Variants in CAMK1D observed in about 807,000 individuals in gnomAD.
The protein encoded by CAMK1D is calcium/calmodulin-dependent protein kinase type 1D.
In CAMK1D, 9 loss-of-function variants were observed where a neutral mutation model predicts 47.7. The ratio of observed to expected loss-of-function variants is 0.19; its 90% CI spans 0.11 to 0.33. CAMK1D has a LOEUF of 0.33. Ranked by LOEUF, CAMK1D falls within the 10% of genes least tolerant of loss-of-function variation. CAMK1D has a pLI of 1.00. For synonymous variants in CAMK1D, 184 were observed against 184.9 expected, an observed-to-expected ratio of 0.99 and a Z score of 0.04; for missense variants, 291 against 488.7, an observed-to-expected ratio of 0.60 and a Z score of 3.81.
chr10:12,513,108 G>T (rs757292669), intron 1 of CAMK1D, among the ~76,000 whole-genome samples: 1 of 152,162 alleles, frequency 6.6e-6, no homozygotes, highest in African/African-American at 2.4e-5. Flanking sequence ...TGAATCAAGT[G>T]TTTCTGGCTG....
At chr10:12,591,490 T>C (rs1247301583) in intron 2 of CAMK1D, among the ~76,000 whole-genome samples, 1 of 152,226 alleles carries the variant, frequency 6.6e-6, no homozygotes, top group Non-Finnish European at 1.5e-5. Context: ...TGCCTGCCTT[T>C]GAGTTTCTAC....
chr10:12,387,400 T>TTATATATTA (rs1375083314), intron 1 of CAMK1D, among the ~76,000 whole-genome samples: 37 of 65,278 alleles, frequency 5.7e-4, no homozygotes, highest in African/African-American at 1.6e-3. Context: ...TTATATATTT[T>TTATATATTA]TATATATTAT....
At chr10:12,540,690 G>T (rs7910874) in intron 1 of CAMK1D, among the ~76,000 whole-genome samples, 20,200 of 152,208 alleles carry the variant, frequency 0.13, 1,538 homozygotes, top group East Asian at 0.31. Flanking sequence ...AGCTAATCGT[G>T]TGGGTATTTA....
intron 1 of CAMK1D, among the ~76,000 whole-genome samples, chr10:12,473,089 T>TGTGGGGCAGGAGGGGAGAGG (rs1253910229): frequency 2.6e-5 from 4 of 152,072 alleles, no homozygotes; most frequent in Admixed American, 1.3e-4. Context: ...GCTGGGCCAA[T>TGTGGGGCAGGAGGGGAGAGG]GTGGGGCAGG....
intron 1 of CAMK1D, among the ~76,000 whole-genome samples, chr10:12,455,701 C>T (rs1192192868): frequency 6.6e-6 from 1 of 152,154 alleles, no homozygotes; most frequent in Non-Finnish European, 1.5e-5. Context: ...ATGAAGCAAA[C>T]AGCTGAAAAC....
At chr10:12,643,217 G>T (rs1839715220) in intron 2 of CAMK1D, among the ~76,000 whole-genome samples, 2 of 152,152 alleles carry the variant, frequency 1.3e-5, no homozygotes, top group South Asian at 2.1e-4. Context: ...TGGACAGGCT[G>T]GTCTCGAACT....
At chr10:12,609,590 G>A (rs1157158215) in intron 2 of CAMK1D, among the ~76,000 whole-genome samples, 4 of 152,158 alleles carry the variant, frequency 2.6e-5, no homozygotes, top group Non-Finnish European at 5.9e-5. Context: ...CGCATGCGCA[G>A]TTCACAATAG....
chr10:12,491,815 TC>T (rs1834392779), intron 1 of CAMK1D, among the ~76,000 whole-genome samples: 2 of 152,018 alleles, frequency 1.3e-5, no homozygotes, highest in Non-Finnish European at 2.9e-5. Context: ...TGAGACAGAG[TC>T]TCACACCATC....
At chr10:12,575,207 C>G (rs925152935) in intron 2 of CAMK1D, among the ~76,000 whole-genome samples, 1 of 152,214 alleles carries the variant, frequency 6.6e-6, no homozygotes, top group Non-Finnish European at 1.5e-5. Flanking sequence ...ATTCTCCTGC[C>G]TCAGCCTCGC....
chr10:12,459,518 G>T (rs564020222), intron 1 of CAMK1D, among the ~76,000 whole-genome samples: 1 of 151,850 alleles, frequency 6.6e-6, no homozygotes. Flanking sequence ...AAAAACCCAC[G>T]CATACACTCA....
intron 1 of CAMK1D, among the ~76,000 whole-genome samples, chr10:12,409,755 A>G (rs1839589969): frequency 6.6e-6 from 1 of 152,230 alleles, no homozygotes; most frequent in Non-Finnish European, 1.5e-5. Flanking sequence ...GAGTTCAGTG[A>G]CATTAAGTAC....
intron 2 of CAMK1D, among the ~76,000 whole-genome samples, chr10:12,588,433 C>T (rs760152712): frequency 7.2e-5 from 11 of 152,120 alleles, no homozygotes; most frequent in Non-Finnish European, 1.0e-4. Context: ...AAAGAGAAAC[C>T]GTGCTCTCAA....
intron 3 of CAMK1D, among the ~76,000 whole-genome samples, chr10:12,677,423 TG>T (rs1329657636): frequency 6.6e-6 from 1 of 151,836 alleles, no homozygotes; most frequent in Non-Finnish European, 1.5e-5. Flanking sequence ...TGTTTAGCAT[TG>T]CGGGGGTGGG....
At position 12,528,279 on chromosome 10, in the gene CAMK1D, C is replaced by A. The variant is rs375655533; in HGVS notation, c.93-24946C>A. On this transcript the variant is annotated intron_variant, in intron 1 of 10. Coordinates refer to ENST00000619168, the MANE Select transcript of CAMK1D (RefSeq NM_153498.4). ...TGTTAATGTCTTAACACTTGACTAT[C>A]ACATATTAGCACATGCTAGCTAGAA... Among the ~76,000 whole-genome samples, 17 of 152,332 alleles carry A rather than the reference C, an allele frequency of 1.1e-4. No individual in the cohort carries two copies. In the South Asian group the frequency reaches 1.7e-3, roughly 15 times the overall value.
At chr10:12,640,158 C>T (rs1398062268) in intron 2 of CAMK1D, among the ~76,000 whole-genome samples, 6 of 152,124 alleles carry the variant, frequency 3.9e-5, no homozygotes, top group Non-Finnish European at 7.4e-5. Flanking sequence ...GAAAACTCTT[C>T]ATTTGCTTTG....
chr10:12,352,322 A>G (rs1837377363), intron 1 of CAMK1D, among the ~76,000 whole-genome samples: 1 of 152,230 alleles, frequency 6.6e-6, no homozygotes, highest in Non-Finnish European at 1.5e-5. Flanking sequence ...TAAAGAAAAC[A>G]TAATGGGCTG....
At chr10:12,581,605 A>G (rs1446492658) in intron 2 of CAMK1D, among the ~76,000 whole-genome samples, 1 of 152,134 alleles carries the variant, frequency 6.6e-6, no homozygotes, top group East Asian at 1.9e-4. Context: ...GTGGTATCAC[A>G]CTGTGGTTTT....
At chr10:12,359,234 T>C (rs1163306363) in intron 1 of CAMK1D, among the ~76,000 whole-genome samples, 1 of 152,166 alleles carries the variant, frequency 6.6e-6, no homozygotes, top group African/African-American at 2.4e-5. Context: ...GTGGTGAAGA[T>C]GAAATGAGGG....
rs1564498885 is a variant in CAMK1D at position 12,694,364 on chromosome 10, T to TCA, written c.299+27554_299+27555insCA. Among the ~76,000 whole-genome samples, 409 of 75,380 alleles carry TCA rather than the reference T, an allele frequency of 5.4e-3. 62 individuals are homozygous for TCA. Among genetic ancestry groups the TCA allele is most frequent in the East Asian group, 0.012 (26 of 2,234 alleles). The allele number at this position is 75,380 out of a possible 152,430, so 49.5% of individuals were successfully genotyped here. A position where few individuals can be genotyped will look rare whatever the true frequency, so the allele number is the denominator to read the frequency against. On this transcript the variant is annotated intron_variant, in intron 3 of 10. Transcript: ENST00000619168. ...ATATATAACATATATATGTTATATG[T>TCA]TATATATAAAATATAAAATATATAT...
Sources: gnomAD v4.1 joint callset for allele counts (sites outside exome capture counted in the v4.1 genomes callset) on GRCh38, gnomAD v4.1.1 for gene constraint, MANE v1.5 for transcripts, NCBI Gene and HGNC (gene_info 2026-07-23, HGNC 2026-07-21) for gene names.